The following CTIF variants were observed in gnomAD, a reference collection of about 807,000 sequenced individuals.
The protein encoded by CTIF is CBP80/20-dependent translation initiation factor.
Under a neutral mutation model 66.0 loss-of-function variants are expected in CTIF, and 21 were observed. That is an observed-to-expected ratio of 0.32 (90% CI 0.23 to 0.46). CTIF has a LOEUF of 0.46. CTIF is among the 20% of genes least tolerant of loss of function. The pLI, the probability that CTIF is intolerant of heterozygous loss-of-function variation, is 1.00. For synonymous variants in CTIF, 345 were observed against 326.4 expected (o/e 1.06, Z -0.62); for missense variants, 739 against 812.7 (o/e 0.91, Z 1.10).
At chr18:48,757,200 G>A (rs1270489555) in intron 7 of CTIF, among the ~76,000 whole-genome samples, 5 of 152,220 alleles carry the variant, frequency 3.3e-5, no homozygotes, top group East Asian at 1.9e-4. Flanking sequence ...TAACAGCCTC[G>A]TTTAATTTAA....
At chr18:48,577,659 A>G (rs567779962) in intron 1 of CTIF, among the ~76,000 whole-genome samples, 6 of 152,216 alleles carry the variant, frequency 3.9e-5, no homozygotes, top group African/African-American at 1.2e-4. Flanking sequence ...TGCAGCCTCT[A>G]TCTCCCAGGA....
intron 3 of CTIF, among the ~76,000 whole-genome samples, chr18:48,655,786 C>A (rs563513347): frequency 1.3e-5 from 2 of 152,276 alleles, no homozygotes; most frequent in South Asian, 4.1e-4. Flanking sequence ...GGGGAAACTT[C>A]CCCCATGACT....
At chr18:48,592,944 G>A (rs2089918311) in intron 1 of CTIF, among the ~76,000 whole-genome samples, 1 of 152,240 alleles carries the variant, frequency 6.6e-6, no homozygotes, top group African/African-American at 2.4e-5. Flanking sequence ...AATGGAGGCA[G>A]CGGGGATCTG....
intron 7 of CTIF, among the ~76,000 whole-genome samples, chr18:48,754,798 AG>A (rs1242954274): frequency 6.6e-6 from 1 of 152,234 alleles, no homozygotes; most frequent in East Asian, 1.9e-4. Flanking sequence ...CTATATTGTC[AG>A]GGCTGGCTGG....
intron 6 of CTIF, among the ~76,000 whole-genome samples, chr18:48,671,486 A>G (rs2091534117): frequency 6.6e-6 from 1 of 152,084 alleles, no homozygotes; most frequent in Non-Finnish European, 1.5e-5. Context: ...TATTTTATCT[A>G]TATCCATTCA....
intron 9 of CTIF, among the ~76,000 whole-genome samples, chr18:48,786,889 T>C (rs1000461059): frequency 1.7e-4 from 24 of 142,518 alleles, no homozygotes; most frequent in African/African-American, 6.1e-4. Context: ...TGGAAGCACC[T>C]TCTGCATGGG....
At chr18:48,633,874 G>C (rs2090766663) in intron 2 of CTIF, among the ~76,000 whole-genome samples, 1 of 152,066 alleles carries the variant, frequency 6.6e-6, no homozygotes, top group African/African-American at 2.4e-5. Context: ...CCAAACACTT[G>C]TCACTCACCT....
At chr18:48,651,110 C>T (rs574166329) in intron 3 of CTIF, among the ~76,000 whole-genome samples, 1 of 152,302 alleles carries the variant, frequency 6.6e-6, no homozygotes, top group Admixed American at 6.5e-5. Flanking sequence ...AACCAGCTAA[C>T]ATCATAATGA....
At chr18:48,793,467 C>T (rs1287477109) in intron 9 of CTIF, among the ~76,000 whole-genome samples, 1 of 152,200 alleles carries the variant, frequency 6.6e-6, no homozygotes, top group African/African-American at 2.4e-5. Flanking sequence ...ACAACTCTGG[C>T]TTCTGTAATG....
chr18:48,722,154 C>T (rs374014869), intron 7 of CTIF, among the ~76,000 whole-genome samples: 6 of 151,946 alleles, frequency 3.9e-5, no homozygotes, highest in East Asian at 1.9e-4. Context: ...TTTCCTTCCC[C>T]AGATCTGGCA....
chr18:48,841,756 T>C (rs1248667573), intron 10 of CTIF, among the ~76,000 whole-genome samples: 1 of 152,046 alleles, frequency 6.6e-6, no homozygotes, highest in Non-Finnish European at 1.5e-5. Context: ...CAGCCGGTGT[T>C]ATCCCAGGGG....
chr18:48,712,495 T>C (rs1221009033), intron 7 of CTIF, among the ~76,000 whole-genome samples: 1 of 152,218 alleles, frequency 6.6e-6, no homozygotes, highest in Non-Finnish European at 1.5e-5. Context: ...TTAGAGTATA[T>C]TTTTTGCTTG....
rs1024410108 is a variant in CTIF, at chr18:48,791,737, A to C, written c.1372-25484A>C. Among the ~76,000 whole-genome samples, 8 of 152,296 alleles carry C rather than the reference A, an allele frequency of 5.3e-5. 1 individual carries two copies. Among genetic ancestry groups the C allele is most frequent in the African/African-American group, 1.7e-4 (7 of 41,560 alleles). The stretch of plus-strand genomic sequence containing the variant: ...GTGAGTGTCTTCCCTGAGTCAGCAG[A>C]ACCTGTTCATAGTCATCCCTTCTCC... On this transcript the variant is annotated intron_variant, in intron 9 of 11. Coordinates refer to ENST00000256413, the MANE Select transcript of CTIF (RefSeq NM_014772.3).
At chr18:48,649,200 G>A (rs1016730785) in intron 3 of CTIF, among the ~76,000 whole-genome samples, 1 of 152,224 alleles carries the variant, frequency 6.6e-6, no homozygotes, top group Admixed American at 6.5e-5. Context: ...CCCTTTCCTA[G>A]CTAAGGGAAG....
chr18:48,635,372 A>C (rs1403999287), intron 2 of CTIF, among the ~76,000 whole-genome samples: 1 of 133,564 alleles, frequency 7.5e-6, no homozygotes. Context: ...ACCCAAGAGC[A>C]TTGTGCATTG....
chr18:48,676,641 G>A (rs150155520), intron 6 of CTIF, among the ~76,000 whole-genome samples: 233 of 152,204 alleles, frequency 1.5e-3, no homozygotes, highest in African/African-American at 5.1e-3. Flanking sequence ...CTGGCCTTAG[G>A]GATGTGCCCA....
intron 5 of CTIF, among the ~76,000 whole-genome samples, chr18:48,667,730 C>G (rs751356406): frequency 4.8e-4 from 73 of 152,350 alleles, no homozygotes; most frequent in Non-Finnish European, 9.8e-4. Flanking sequence ...GCCAGTCTCA[C>G]TTTCTCACCA....
chr18:48,684,460 TA>T (rs2091802623), intron 6 of CTIF, among the ~76,000 whole-genome samples: 2 of 152,206 alleles, frequency 1.3e-5, no homozygotes, highest in South Asian at 4.1e-4. Context: ...CTAATATTTC[TA>T]ATATCTAGTA....
intron 6 of CTIF, chr18:48,673,504 A>G (rs1029206489): frequency 2.6e-5 from 4 of 152,214 alleles, no homozygotes; most frequent in African/African-American, 9.7e-5. Context: ...CCATGGCATA[A>G]TACTAAACAA....
Sources: gnomAD v4.1 joint callset for allele counts (sites outside exome capture counted in the v4.1 genomes callset) on GRCh38, gnomAD v4.1.1 for gene constraint, MANE v1.5 for transcripts, NCBI Gene and HGNC (gene_info 2026-07-23, HGNC 2026-07-21) for gene names.